The following ADAMTSL1 variants were observed in gnomAD, a reference collection of about 807,000 sequenced individuals.
The protein encoded by ADAMTSL1 is ADAMTS-like protein 1.
Under a neutral mutation model 201.8 loss-of-function variants are expected in ADAMTSL1, and 126 were observed. The ratio of observed to expected loss-of-function variants is 0.62; its 90% confidence interval spans 0.54 to 0.72. The LOEUF is 0.72. ADAMTSL1 is among the 30% of genes least tolerant of loss of function. The pLI is 0.00. For missense variants in ADAMTSL1, 2,679 were observed against 2,277.8 expected, an observed-to-expected ratio of 1.18 and a Z score of -3.59; for synonymous variants, 1,121 against 903.4, an observed-to-expected ratio of 1.24 and a Z score of -4.32.
intron 2 of ADAMTSL1, among the ~76,000 whole-genome samples, chr9:18,440,606 T>C (rs991465868): frequency 8.0e-5 from 12 of 150,696 alleles, no homozygotes; most frequent in Non-Finnish European, 7.4e-5. Flanking sequence ...ATGTATAATA[T>C]ATATATATTA....
intron 7 of ADAMTSL1, among the ~76,000 whole-genome samples, chr9:18,648,385 A>G (rs932865335): frequency 6.6e-6 from 1 of 151,904 alleles, no homozygotes; most frequent in Non-Finnish European, 1.5e-5. Context: ...TAGTCCATTT[A>G]CATTTAAAGT....
At chr9:18,600,360 T>C (rs1824560908) in intron 4 of ADAMTSL1, among the ~76,000 whole-genome samples, 1 of 152,184 alleles carries the variant, frequency 6.6e-6, no homozygotes, top group South Asian at 2.1e-4. Flanking sequence ...AAAAGTCTAG[T>C]TTTCTTGCCC....
At chr9:18,093,107 A>G (rs1051819622) in intron 1 of ADAMTSL1, among the ~76,000 whole-genome samples, 11 of 152,200 alleles carry the variant, frequency 7.2e-5, no homozygotes, top group African/African-American at 2.7e-4. Flanking sequence ...GGAACTGCAT[A>G]GGTAGCAGCC....
intron 1 of ADAMTSL1, among the ~76,000 whole-genome samples, chr9:17,926,722 C>T (rs1160867727): frequency 6.6e-6 from 1 of 152,176 alleles, no homozygotes; most frequent in East Asian, 1.9e-4. Flanking sequence ...TATCCCCTTT[C>T]TTGTTTTGGT....
intron 1 of ADAMTSL1, among the ~76,000 whole-genome samples, chr9:18,498,622 C>T (rs561613005): frequency 6.6e-6 from 1 of 152,226 alleles, no homozygotes; most frequent in Non-Finnish European, 1.5e-5. Flanking sequence ...AGCCACCGCG[C>T]CCGGCCAATG....
chr9:18,613,837 A>T (rs1825540399), intron 4 of ADAMTSL1, among the ~76,000 whole-genome samples: 1 of 152,158 alleles, frequency 6.6e-6, no homozygotes, highest in African/African-American at 2.4e-5. Context: ...CGACACGCAT[A>T]TACCTATGTA....
intron 2 of ADAMTSL1, among the ~76,000 whole-genome samples, chr9:18,276,069 C>T (rs115241993): frequency 0.015 from 2,286 of 152,150 alleles, 67 homozygotes; most frequent in African/African-American, 0.053. Context: ...GGTTTAGCCA[C>T]CAAAAGTCTT....
intron 2 of ADAMTSL1, among the ~76,000 whole-genome samples, chr9:18,310,894 C>A (rs971426739): frequency 5.3e-5 from 8 of 152,112 alleles, no homozygotes; most frequent in African/African-American, 1.9e-4. Flanking sequence ...GCTATGAAGA[C>A]ACATGCACAT....
chr9:18,626,304 A>G (rs1826356588), intron 5 of ADAMTSL1, among the ~76,000 whole-genome samples: 1 of 152,208 alleles, frequency 6.6e-6, no homozygotes, highest in Non-Finnish European at 1.5e-5. Context: ...TGCCAGCCAC[A>G]GGTGATGCAG....
chr9:18,582,351 G>A, intron 4 of ADAMTSL1, among the ~76,000 whole-genome samples: 1 of 152,180 alleles, frequency 6.6e-6, no homozygotes, highest in East Asian at 1.9e-4. Context: ...GTGTTTGGAA[G>A]TCTACTCAGC....
chr9:18,700,849 C>T (rs1283596158), intron 13 of ADAMTSL1, among the ~76,000 whole-genome samples: 3 of 152,118 alleles, frequency 2.0e-5, no homozygotes, highest in Non-Finnish European at 4.4e-5. Flanking sequence ...CCATGATTCT[C>T]ATGTAAATAT....
intron 2 of ADAMTSL1, among the ~76,000 whole-genome samples, chr9:18,391,907 C>G (rs551621392): frequency 6.6e-4 from 96 of 145,682 alleles, no homozygotes; most frequent in Non-Finnish European, 1.2e-3. Context: ...TCACTGCAAG[C>G]TCTGCCTCCT....
At chr9:18,517,786 T>A (rs982108379) in intron 2 of ADAMTSL1, among the ~76,000 whole-genome samples, 3 of 152,212 alleles carry the variant, frequency 2.0e-5, no homozygotes, top group Non-Finnish European at 4.4e-5. Flanking sequence ...CACATTTTCT[T>A]AATCCAGTCT....
At chr9:17,978,624 A>G (rs1818552641) in intron 1 of ADAMTSL1, among the ~76,000 whole-genome samples, 1 of 152,076 alleles carries the variant, frequency 6.6e-6, no homozygotes, top group African/African-American at 2.4e-5. Context: ...TAAACTTTTA[A>G]ATATGATGTA....
At chr9:18,845,787 A>G (rs1826067141) in intron 23 of ADAMTSL1, among the ~76,000 whole-genome samples, 1 of 152,236 alleles carries the variant, frequency 6.6e-6, no homozygotes, top group Non-Finnish European at 1.5e-5. Context: ...TGAGGTTAAG[A>G]CTGGGACAAT....
intron 1 of ADAMTSL1, among the ~76,000 whole-genome samples, chr9:17,967,486 T>C (rs1377182134): frequency 6.6e-6 from 1 of 152,054 alleles, no homozygotes; most frequent in Non-Finnish European, 1.5e-5. Context: ...CTACTGTGAG[T>C]CAAGCACTTT....
intron 4 of ADAMTSL1, among the ~76,000 whole-genome samples, chr9:18,611,804 TTCC>T (rs1199124595): frequency 1.3e-5 from 2 of 152,190 alleles, no homozygotes; most frequent in African/African-American, 4.8e-5. Flanking sequence ...CAAAAGTTTA[TTCC>T]TATGAAACCA....
At chr9:18,857,092 C>T (rs948798842) in intron 23 of ADAMTSL1, among the ~76,000 whole-genome samples, 10 of 152,052 alleles carry the variant, frequency 6.6e-5, no homozygotes, top group African/African-American at 1.2e-4. Context: ...GTTTGAGACA[C>T]GAGTTTCAAG....
At chr9:18,395,087 C>G (rs1010539196) in intron 2 of ADAMTSL1, among the ~76,000 whole-genome samples, 7 of 152,180 alleles carry the variant, frequency 4.6e-5, no homozygotes, top group Non-Finnish European at 1.0e-4. Flanking sequence ...ACAGATCTGT[C>G]AGAGTTTCCT....
Sources: gnomAD v4.1 joint callset for allele counts (sites outside exome capture counted in the v4.1 genomes callset) on GRCh38, gnomAD v4.1.1 for gene constraint, MANE v1.5 for transcripts, NCBI Gene and HGNC (gene_info 2026-07-23, HGNC 2026-07-21) for gene names.